The following TCEANC2 variants were observed in gnomAD, a reference collection of about 807,000 sequenced individuals.
The protein encoded by TCEANC2 is transcription elongation factor A N-terminal and central domain-containing protein 2.
A neutral mutation model predicts 22.8 loss-of-function variants in TCEANC2; 20 were observed. The observed-to-expected ratio is 0.88, with a 90% CI of 0.62 to 1.28. The LOEUF (loss-of-function observed/expected upper bound fraction) is 1.28. Ranked by LOEUF, TCEANC2 falls within the 50% of genes most tolerant of loss-of-function variation. The pLI is 0.00. For missense variants in TCEANC2, 251 were observed against 249.7 expected (o/e 1.01, Z -0.03); for synonymous variants, 84 against 95.5 (o/e 0.88, Z 0.70).
intron 2 of TCEANC2, among the ~76,000 whole-genome samples, chr1:54,061,369 G>A (rs370142720): frequency 5.9e-5 from 9 of 152,192 alleles, no homozygotes; most frequent in East Asian, 5.8e-4. Flanking sequence ...ATATTGAAAG[G>A]GCTAACCATT....
chr1:54,066,981 A>G (rs1308438379), intron 2 of TCEANC2, among the ~76,000 whole-genome samples: 1 of 152,190 alleles, frequency 6.6e-6, no homozygotes. Flanking sequence ...ATCACCCACC[A>G]TAAGCCATAA....
rs1345750794 is a variant in TCEANC2 at position 54,068,897 on chromosome 1, G to C, written c.244G>C (p.Gly82Arg). Residue 82 changes from glycine to arginine, a missense_variant and splice_region_variant, in exon 3 of 5, where the codon GGT becomes CGT. Coordinates refer to ENST00000234827, the MANE Select transcript of TCEANC2 (RefSeq NM_153035.3). ...GGAAGTGTTAAAATCAACAAGGATA[G>C]GTATATTCCTTCTTAATTTTATTTT... The part of the protein sequence containing the change: ...SREVLKSTRI[G>R]HTVNKMRKHS... 1 of 1,546,636 alleles carries C rather than the reference G, an allele frequency of 6.5e-7. No individual in the cohort carries two copies. The highest frequency in any genetic ancestry group is 8.7e-7 in the Non-Finnish European group (1 of 1,154,440).
rs1658006297 is a variant in TCEANC2, at chr1:54,068,875, A to G, written c.222A>G (p.Glu74=). The G allele has an allele frequency of 1.3e-6, 2 of 1,599,508 alleles. No homozygotes were observed. The highest frequency in any genetic ancestry group is 1.7e-6 in the Non-Finnish European group (2 of 1,175,990). The change falls in exon 3 of 5, where the codon GAA becomes GAG. Residue 74 remains glutamate (E), a synonymous_variant. Transcript: ENST00000234827. ...QELKKKIPSR[E]VLKSTRIGHT... The stretch of plus-strand genomic sequence containing the variant: ...TAAAGAAGAAAATACCCTCCAGGGA[A>G]GTGTTAAAATCAACAAGGATAGGTA...
intron 3 of TCEANC2, among the ~76,000 whole-genome samples, chr1:54,075,618 G>T (rs1658130616): frequency 6.6e-6 from 1 of 152,084 alleles, no homozygotes; most frequent in African/African-American, 2.4e-5. Flanking sequence ...AAGTGTCCTG[G>T]GTTCAAATAA....
In TCEANC2 at chr1:54,054,397, G is replaced by A. The variant is rs1462785760; in HGVS notation, c.-26G>A. The A allele has an allele frequency of 6.2e-7, 1 of 1,613,788 alleles. No individual in the cohort carries two copies. Among genetic ancestry groups the A allele is most frequent in the South Asian group, 1.1e-5 (1 of 90,958 alleles). On this transcript the variant is annotated 5_prime_UTR_variant, in exon 2 of 5. Coordinates refer to ENST00000234827, the MANE Select transcript of TCEANC2 (RefSeq NM_153035.3). ...CTTGACCAGAACACGCTGCAAGCACGTCAAGGTAGTCGGAGTCCCCTAACA... is the reference window on the plus strand; with the variant it reads ...CTTGACCAGAACACGCTGCAAGCACATCAAGGTAGTCGGAGTCCCCTAACA...
At chr1:54,072,660 G>C (rs960405309) in intron 3 of TCEANC2, among the ~76,000 whole-genome samples, 1 of 152,168 alleles carries the variant, frequency 6.6e-6, no homozygotes, top group Non-Finnish European at 1.5e-5. Context: ...CTCCCAAAGT[G>C]CTGGGATTAC....
intron 3 of TCEANC2, among the ~76,000 whole-genome samples, chr1:54,087,684 T>G (rs1658365990): frequency 6.6e-6 from 1 of 152,212 alleles, no homozygotes; most frequent in Non-Finnish European, 1.5e-5. Context: ...CACGTCGCAT[T>G]TGGTAGTTTG....
chr1:54,071,953 G>A (rs923863318), intron 3 of TCEANC2, among the ~76,000 whole-genome samples: 5 of 151,724 alleles, frequency 3.3e-5, no homozygotes, highest in Admixed American at 1.3e-4. Context: ...GTAGGACTGC[G>A]GGTATGCACC....
At chr1:54,079,497 A>G (rs1350416648) in intron 3 of TCEANC2, among the ~76,000 whole-genome samples, 1 of 152,170 alleles carries the variant, frequency 6.6e-6, no homozygotes, top group Non-Finnish European at 1.5e-5. Flanking sequence ...CTAGGGGACA[A>G]TCTGTTTCCT....
intron 2 of TCEANC2, among the ~76,000 whole-genome samples, chr1:54,060,887 G>T (rs1427271759): frequency 6.6e-6 from 1 of 151,918 alleles, no homozygotes; most frequent in Non-Finnish European, 1.5e-5. Flanking sequence ...GGCAGAGGTT[G>T]CAGTGAGCCG....
chr1:54,110,410 G>T (rs1372611390), downstream of TCEANC2, among the ~76,000 whole-genome samples: 1 of 152,040 alleles, frequency 6.6e-6, no homozygotes, highest in Non-Finnish European at 1.5e-5. Flanking sequence ...ACCAGCCTGG[G>T]CAGCATAGTG....
rs1170859349 is a variant in TCEANC2 at position 54,104,373 on chromosome 1, C to T, written c.*7900C>T. ...GTGACTGCACCCGGGCACTTGAGCT[C>T]CTCATATCAGGAGACTACTAGGCAA... On this transcript the variant is annotated 3_prime_UTR_variant, in exon 5 of 5. Coordinates refer to ENST00000234827, the MANE Select transcript of TCEANC2 (RefSeq NM_153035.3). 7.8e-6 allele frequency: 2 copies of T among 256,298 alleles called. No individual in the cohort carries two copies. Among genetic ancestry groups the T allele is most frequent in the African/African-American group, 4.5e-5 (2 of 44,826 alleles). 15.9% of individuals were successfully genotyped at this position (256,298 alleles called of 1,614,324 possible).
rs1481787809 is a variant in TCEANC2 at position 54,103,985 on chromosome 1, G to A, written c.*7512G>A. ...TGCAGCAGTGGGCACATGGTGACAG[G>A]GTCCACTTGTCCTTTCATCTACTGC... On this transcript the variant is annotated 3_prime_UTR_variant, in exon 5 of 5. Transcript: ENST00000234827. 1 of 152,202 alleles carries A rather than the reference G, an allele frequency of 6.6e-6. No homozygotes were observed. Among genetic ancestry groups the A allele is most frequent in the African/African-American group, 2.4e-5 (1 of 41,434 alleles). 9.4% of individuals were successfully genotyped at this position (152,202 alleles called of 1,614,324 possible).
At position 54,054,459 on chromosome 1, in the gene TCEANC2, A is replaced by C. The variant is rs771348032; in HGVS notation, c.37A>C (p.Asn13His). 2 of 1,614,140 alleles carry C rather than the reference A, an allele frequency of 1.2e-6. No homozygotes were observed. Among genetic ancestry groups the C allele is most frequent in the South Asian group, 2.2e-5 (2 of 91,074 alleles). Residue 13 changes from asparagine to histidine, a missense_variant, in exon 2 of 5, where the codon AAT becomes CAT. Transcript: ENST00000234827. Reference sequence around the variant, plus strand: ...CGTCATTCGAACGCCTAGAATCCAGAATAGCCCTCAGAAGAAAGATTCTGG... The same window carrying C: ...CGTCATTCGAACGCCTAGAATCCAGCATAGCCCTCAGAAGAAAGATTCTGG... ...KFVIRTPRIQNSPQKKDSGGK... is the reference protein window; with the variant it reads ...KFVIRTPRIQHSPQKKDSGGK...
In TCEANC2 at chr1:54,082,207, A is replaced by G. The variant is rs114480831; in HGVS notation, c.245-6390A>G. Among the ~76,000 whole-genome samples, 669 of 152,362 alleles carry G rather than the reference A, an allele frequency of 4.4e-3. 5 individuals are homozygous for G. The highest frequency in any genetic ancestry group is 5.8e-3 in the Non-Finnish European group (395 of 68,038). On this transcript the variant is annotated intron_variant, in intron 3 of 4. Transcript: ENST00000234827. ...AAGTCATTGTTATAAAAATTAAATG[A>G]GATAATTCATACAAAGCCTGGAGTG...
chr1:54,095,274 C>G (rs1027785805), intron 4 of TCEANC2, among the ~76,000 whole-genome samples: 1 of 152,152 alleles, frequency 6.6e-6, no homozygotes, highest in Admixed American at 6.5e-5. Flanking sequence ...GTTTTTGCCT[C>G]GGCTTTGACA....
At chr1:54,111,746 T>C (rs1377770668) in exon 5 of TCEANC2, 1 of 152,216 alleles carries the variant, frequency 6.6e-6, no homozygotes, top group Non-Finnish European at 1.5e-5. Context: ...AGAAGTTAAA[T>C]GACTTGCCCA....
chr1:54,090,535 CA>C (rs1658423188), intron 4 of TCEANC2, among the ~76,000 whole-genome samples: 1 of 152,000 alleles, frequency 6.6e-6, no homozygotes, highest in Non-Finnish European at 1.5e-5. Context: ...TAGTTAGTGT[CA>C]TTTTTTATAT....
intron 3 of TCEANC2, among the ~76,000 whole-genome samples, chr1:54,076,156 CCT>C (rs1159121705): frequency 6.6e-6 from 1 of 151,770 alleles, no homozygotes; most frequent in Non-Finnish European, 1.5e-5. Flanking sequence ...AGGTAAACTC[CCT>C]GTGTCATGAG....
Sources: gnomAD v4.1 joint callset for allele counts (sites outside exome capture counted in the v4.1 genomes callset) on GRCh38, gnomAD v4.1.1 for gene constraint, MANE v1.5 for transcripts, NCBI Gene and HGNC (gene_info 2026-07-23, HGNC 2026-07-21) for gene names.